ADTRP: variants seen among roughly 807,000 people sequenced by gnomAD.
The protein encoded by ADTRP is androgen dependent TFPI regulating protein, also known as androgen-dependent TFPI-regulating protein.
ADTRP carries 20 observed loss-of-function variants against 27.0 expected under a neutral mutation model. The ratio of observed to expected loss-of-function variants is 0.74; its 90% CI spans 0.52 to 1.08. The LOEUF is 1.08. Among genes scored for constraint, ADTRP ranks in the 50% least tolerant of loss-of-function variants. The pLI is 0.00. For synonymous variants in ADTRP, 101 were observed against 105.2 expected, an observed-to-expected ratio of 0.96 and a Z score of 0.25; for missense variants, 251 against 275.0, an observed-to-expected ratio of 0.91 and a Z score of 0.62.
chr6:11,768,126 A>G lies in ADTRP; in HGVS notation c.288+123T>C, dbSNP rs972091944. The G allele has an allele frequency of 4.9e-6, 6 of 1,214,498 alleles. No homozygotes were observed. The East Asian group carries it at 1.2e-4, about 24-fold the overall frequency. The allele number at this position is 1,214,498 out of a possible 1,614,324, so 75.2% of individuals were successfully genotyped here. A position where few individuals can be genotyped will look rare whatever the true frequency, so the allele number is the denominator to read the frequency against. Reference sequence around the variant, plus strand: ...ATGTGGCGCAGTCCTCAGACAGGACATTGTTGTAAATGCAGTGGGTGTGGT... The same window carrying G: ...ATGTGGCGCAGTCCTCAGACAGGACGTTGTTGTAAATGCAGTGGGTGTGGT... On this transcript the variant is annotated intron_variant, in intron 2 of 5. Transcript: ENST00000414691.
intron 3 of ADTRP, among the ~76,000 whole-genome samples, chr6:11,747,146 C>A (rs1762890093): frequency 6.6e-6 from 1 of 152,316 alleles, no homozygotes; most frequent in African/African-American, 2.4e-5. Flanking sequence ...TGGCTCACTT[C>A]CTTATCATGG....
At chr6:11,718,536 G>A (rs918507470) in intron 5 of ADTRP, among the ~76,000 whole-genome samples, 3 of 152,244 alleles carry the variant, frequency 2.0e-5, no homozygotes. Flanking sequence ...CAATGTGGAA[G>A]AGAACCTGCC....
intron 3 of ADTRP, chr6:11,754,989 C>A: frequency 1.0e-6 from 1 of 971,626 alleles, no homozygotes; most frequent in Middle Eastern, 5.3e-4. Flanking sequence ...AGTTTTTGCT[C>A]TTAGTATTTC....
Position 11,774,083 on chromosome 6 carries a change from C to T in ADTRP, c.153+4524G>A, listed in dbSNP as rs545103541. 1.1e-4 allele frequency among the ~76,000 whole-genome samples: 17 copies of T among 152,124 alleles called. No homozygotes were observed. In the South Asian group the frequency reaches 2.7e-3, roughly 24 times the overall value. On this transcript the variant is annotated intron_variant, in intron 1 of 5. Transcript: ENST00000414691. ...CAGCACTTTGGGAGGCCAAGGCAGG[C>T]GGATCACAAGGTCAGGAGTTTGAGA...
intron 4 of ADTRP, among the ~76,000 whole-genome samples, chr6:11,731,405 C>T (rs899246312): frequency 3.9e-5 from 6 of 152,126 alleles, no homozygotes; most frequent in African/African-American, 1.2e-4. Context: ...CCCTTGCTTC[C>T]ACTCCAAACA....
chr6:11,737,628 C>G (rs1762591115), intron 3 of ADTRP, among the ~76,000 whole-genome samples: 2 of 152,180 alleles, frequency 1.3e-5, no homozygotes, highest in African/African-American at 4.8e-5. Flanking sequence ...AAGGACCAAG[C>G]TGTAAGTACA....
At chr6:11,745,654 A>G (rs1433411379) in intron 3 of ADTRP, among the ~76,000 whole-genome samples, 1 of 152,240 alleles carries the variant, frequency 6.6e-6, no homozygotes, top group Non-Finnish European at 1.5e-5. Flanking sequence ...GACATTCCCA[A>G]GCTGTATCTA....
chr6:11,759,463 C>T (rs930835757), intron 3 of ADTRP, among the ~76,000 whole-genome samples: 1 of 152,040 alleles, frequency 6.6e-6, no homozygotes, highest in African/African-American at 2.4e-5. Flanking sequence ...ATATGTAGTG[C>T]CTTACTTTTT....
chr6:11,715,169 A>G lies in ADTRP; in HGVS notation c.659-657T>C, dbSNP rs554143872. On this transcript the variant is annotated intron_variant, in intron 5 of 5. Coordinates refer to ENST00000414691, the MANE Select transcript of ADTRP (RefSeq NM_032744.4). Reference sequence around the variant, plus strand: ...CTCATTATCCTTTGTGCTTGTTGCCAAATACTGTCAATGCTACTTTAAAAA... The same window carrying G: ...CTCATTATCCTTTGTGCTTGTTGCCGAATACTGTCAATGCTACTTTAAAAA... Among the ~76,000 whole-genome samples, 35 of 147,970 alleles carry G rather than the reference A, an allele frequency of 2.4e-4. No homozygotes were observed. In the South Asian group the frequency reaches 7.4e-3, roughly 31 times the overall value.
rs141948739 is a variant in ADTRP, at chr6:11,768,490, G to A, written c.154-107C>T. On this transcript the variant is annotated intron_variant, in intron 1 of 5. Coordinates refer to ENST00000414691, the MANE Select transcript of ADTRP (RefSeq NM_032744.4). Reference sequence around the variant, plus strand: ...GAGAGTAATGTGGCTTTGAGAGGGAGAGGGCTGTTGGGTTGTTTTGGTTGA... The same window carrying A: ...GAGAGTAATGTGGCTTTGAGAGGGAAAGGGCTGTTGGGTTGTTTTGGTTGA... 388 of 1,421,148 alleles carry A rather than the reference G, an allele frequency of 2.7e-4. 2 individuals are homozygous for A. The African/African-American group carries it at 4.8e-3, about 18-fold the overall frequency. 88.0% of individuals were successfully genotyped at this position (1,421,148 alleles called of 1,614,324 possible).
intron 1 of ADTRP, among the ~76,000 whole-genome samples, chr6:11,776,796 G>C (rs1763968433): frequency 6.6e-6 from 1 of 152,218 alleles, no homozygotes; most frequent in Non-Finnish European, 1.5e-5. Flanking sequence ...CGAAAGGCTG[G>C]TTGGGCAGGT....
At chr6:11,769,307 T>C in intron 1 of ADTRP, among the ~76,000 whole-genome samples, 1 of 152,142 alleles carries the variant, frequency 6.6e-6, no homozygotes, top group East Asian at 1.9e-4. Flanking sequence ...AGGAAGGTTC[T>C]AGAGCCTGGG....
rs745465061 is a variant in ADTRP at position 11,724,425 on chromosome 6, C to T, written c.507-925G>A. 1.1e-3 allele frequency among the ~76,000 whole-genome samples: 161 copies of T among 152,066 alleles called. 3 individuals carry two copies. The highest frequency in any genetic ancestry group is 1.4e-3 in the Non-Finnish European group (94 of 68,014). ...AGTAATGCATGGATTTGCAGGGAGG[C>T]TCAGATCTTGCTTATGTGAGGATAG... On this transcript the variant is annotated intron_variant, in intron 4 of 5. Coordinates refer to ENST00000414691, the MANE Select transcript of ADTRP (RefSeq NM_032744.4).
intron 1 of ADTRP, among the ~76,000 whole-genome samples, chr6:11,772,621 C>T (rs535242394): frequency 2.0e-5 from 3 of 152,320 alleles, no homozygotes; most frequent in Admixed American, 6.5e-5. Flanking sequence ...CTGTGCCTGA[C>T]TCAGCCAGGC....
chr6:11,735,952 T>A, intron 3 of ADTRP: 1 of 285,698 alleles, frequency 3.5e-6, no homozygotes, highest in Non-Finnish European at 6.7e-6. Flanking sequence ...CTCTCCCTAC[T>A]TTTTTTTGGC....
intron 4 of ADTRP, among the ~76,000 whole-genome samples, chr6:11,733,886 C>T (rs1000400676): frequency 4.6e-5 from 7 of 152,188 alleles, no homozygotes; most frequent in African/African-American, 1.7e-4. Flanking sequence ...CCAATAACAG[C>T]AGTGGCCTTA....
intron 5 of ADTRP, among the ~76,000 whole-genome samples, chr6:11,722,127 C>G (rs1275882650): frequency 6.6e-6 from 1 of 151,658 alleles, no homozygotes; most frequent in Non-Finnish European, 1.5e-5. Flanking sequence ...TCTGAAATGT[C>G]AACACATTTT....
At chr6:11,776,819 C>T (rs567077712) in intron 1 of ADTRP, among the ~76,000 whole-genome samples, 1 of 152,220 alleles carries the variant, frequency 6.6e-6, no homozygotes, top group Non-Finnish European at 1.5e-5. Context: ...GCTCTTGAAT[C>T]GGGAGTTTGA....
At chr6:11,748,124 C>T (rs536716237) in intron 3 of ADTRP, among the ~76,000 whole-genome samples, 1 of 152,246 alleles carries the variant, frequency 6.6e-6, no homozygotes, top group African/African-American at 2.4e-5. Flanking sequence ...TCTCTTTGAA[C>T]GTAAGTCAGT....
Sources: gnomAD v4.1 joint callset for allele counts (sites outside exome capture counted in the v4.1 genomes callset) on GRCh38, gnomAD v4.1.1 for gene constraint, MANE v1.5 for transcripts, NCBI Gene and HGNC (gene_info 2026-07-23, HGNC 2026-07-21) for gene names.